Variants in ADGRL3 observed in about 807,000 individuals in gnomAD.
ADGRL3 encodes the protein adhesion G protein-coupled receptor L3.
Under a neutral mutation model 153.5 loss-of-function variants are expected in ADGRL3, and 62 were observed. The observed-to-expected ratio is 0.40, with a 90% CI of 0.33 to 0.50. ADGRL3 has a LOEUF of 0.50. Among genes scored for constraint, ADGRL3 ranks in the 20% least tolerant of loss-of-function variants. The pLI is 0.47. For missense variants in ADGRL3, 1,641 were observed against 1,859.4 expected (o/e 0.88, Z 2.16); for synonymous variants, 710 against 672.5 (o/e 1.06, Z -0.86).
At chr4:61,441,613 G>A (rs1445864089) in intron 2 of ADGRL3, among the ~76,000 whole-genome samples, 2 of 151,934 alleles carry the variant, frequency 1.3e-5, no homozygotes, top group Admixed American at 1.3e-4. Flanking sequence ...TCTGCCTCCT[G>A]GGTTCAAGCA....
intron 5 of ADGRL3, among the ~76,000 whole-genome samples, chr4:61,604,513 A>G (rs1326750114): frequency 6.6e-6 from 1 of 152,180 alleles, no homozygotes; most frequent in East Asian, 1.9e-4. Flanking sequence ...GTATAATATG[A>G]CTTAGCAAAG....
At chr4:61,658,004 G>C (rs1051709744) in intron 5 of ADGRL3, among the ~76,000 whole-genome samples, 2 of 152,116 alleles carry the variant, frequency 1.3e-5, no homozygotes, top group Non-Finnish European at 2.9e-5. Flanking sequence ...TGCTCTTACT[G>C]TATGCAAATC....
chr4:61,526,146 C>T (rs951239938), intron 4 of ADGRL3, among the ~76,000 whole-genome samples: 6 of 152,124 alleles, frequency 3.9e-5, no homozygotes, highest in Admixed American at 3.9e-4. Flanking sequence ...CGCTTCGCCC[C>T]TTGGCCAGCC....
At position 62,075,144 on chromosome 4, in the gene ADGRL3, G is replaced by A. The variant is rs1030785410; in HGVS notation, c.*4236G>A. 3 of 152,130 alleles carry A rather than the reference G, an allele frequency of 2.0e-5. No individual in the cohort carries two copies. Among genetic ancestry groups the A allele is most frequent in the African/African-American group, 7.2e-5 (3 of 41,434 alleles). 9.4% of individuals were successfully genotyped at this position (152,130 alleles called of 1,614,324 possible). ...ATGAAAAAACAATTAGTTTTTAGAAGTTGTCTATCAGTACTGTACCGAAGT... is the reference window on the plus strand; with the variant it reads ...ATGAAAAAACAATTAGTTTTTAGAAATTGTCTATCAGTACTGTACCGAAGT... On this transcript the variant is annotated 3_prime_UTR_variant, in exon 27 of 27. Transcript: ENST00000683033.
Position 61,978,411 on chromosome 4 carries a change from A to G in ADGRL3, c.2806-1152A>G, listed in dbSNP as rs1037181698. On this transcript the variant is annotated intron_variant, in intron 17 of 26. Coordinates refer to ENST00000683033, the MANE Select transcript of ADGRL3 (RefSeq NM_001387552.1). ...AAATATAGTACACTGATTTTCTACT[A>G]TTCTTTAAAATATCATTGTAGGAAT... 8.6e-5 allele frequency among the ~76,000 whole-genome samples: 13 copies of G among 151,948 alleles called. No individual in the cohort carries two copies. In the East Asian group the frequency reaches 2.3e-3, roughly 27 times the overall value.
intron 23 of ADGRL3, among the ~76,000 whole-genome samples, chr4:62,034,706 T>C (rs2151550593): frequency 6.6e-6 from 1 of 152,056 alleles, no homozygotes; most frequent in East Asian, 1.9e-4. Context: ...TGCTGTCTTA[T>C]TGAATTATTT....
intron 25 of ADGRL3, among the ~76,000 whole-genome samples, chr4:62,049,785 A>G (rs1733135759): frequency 6.6e-6 from 1 of 152,118 alleles, no homozygotes; most frequent in Non-Finnish European, 1.5e-5. Flanking sequence ...TAGTTCTAAG[A>G]ATGGACACCT....
chr4:61,414,761 G>A (rs1272215985), intron 2 of ADGRL3, among the ~76,000 whole-genome samples: 1 of 151,708 alleles, frequency 6.6e-6, no homozygotes, highest in Non-Finnish European at 1.5e-5. Flanking sequence ...TACATAAGTT[G>A]TTATATATTA....
At chr4:61,417,503 A>G (rs977649756) in intron 2 of ADGRL3, among the ~76,000 whole-genome samples, 4 of 151,982 alleles carry the variant, frequency 2.6e-5, no homozygotes, top group African/African-American at 9.7e-5. Context: ...ACAAAAACGA[A>G]AAAAAACAAA....
intron 2 of ADGRL3, among the ~76,000 whole-genome samples, chr4:61,471,638 A>G (rs1436251201): frequency 6.6e-6 from 1 of 151,956 alleles, no homozygotes; most frequent in African/African-American, 2.4e-5. Context: ...GAATTTTAAG[A>G]TCTGAAAGTT....
At chr4:62,043,294 G>A (rs1249957092) in intron 24 of ADGRL3, among the ~76,000 whole-genome samples, 1 of 151,924 alleles carries the variant, frequency 6.6e-6, no homozygotes, top group Non-Finnish European at 1.5e-5. Context: ...TTAGTATTTG[G>A]CAGGCAATAG....
intron 8 of ADGRL3, among the ~76,000 whole-genome samples, chr4:61,807,574 C>G (rs145359731): frequency 1.8e-4 from 28 of 152,224 alleles, no homozygotes; most frequent in African/African-American, 6.7e-4. Flanking sequence ...AGTTTCAACA[C>G]TGGGACCAAG....
At chr4:61,240,626 C>T (rs1560377996) in intron 1 of ADGRL3, among the ~76,000 whole-genome samples, 1 of 152,040 alleles carries the variant, frequency 6.6e-6, no homozygotes, top group East Asian at 1.9e-4. Context: ...TACATTAACT[C>T]GATTTTTTTA....
intron 2 of ADGRL3, among the ~76,000 whole-genome samples, chr4:61,456,112 A>G (rs927629049): frequency 5.9e-5 from 9 of 151,846 alleles, no homozygotes; most frequent in Non-Finnish European, 1.2e-4. Flanking sequence ...CCGACCCTAC[A>G]TTATTTTAAG....
At chr4:61,284,202 G>C (rs759104059) in intron 1 of ADGRL3, among the ~76,000 whole-genome samples, 15 of 151,914 alleles carry the variant, frequency 9.9e-5, no homozygotes, top group Non-Finnish European at 1.5e-4. Flanking sequence ...TCATATAAGT[G>C]AGAGAGGCCT....
intron 6 of ADGRL3, among the ~76,000 whole-genome samples, chr4:61,680,122 G>A (rs1416532189): frequency 2.0e-5 from 3 of 151,930 alleles, no homozygotes; most frequent in East Asian, 3.9e-4. Context: ...CTGTATTAGA[G>A]AAAATCCTTG....
At chr4:61,460,181 G>A (rs1466313162) in intron 2 of ADGRL3, among the ~76,000 whole-genome samples, 1 of 151,806 alleles carries the variant, frequency 6.6e-6, no homozygotes, top group Non-Finnish European at 1.5e-5. Context: ...TTTCCCCTAT[G>A]TTTTCATCTA....
rs1560622534 is a variant in ADGRL3 at position 61,432,573 on chromosome 4, C to CTTT, written c.-174+49384_-174+49385insTTT. Among the ~76,000 whole-genome samples the CTTT allele has an allele frequency of 6.4e-4, 23 of 35,874 alleles. 3 individuals are homozygous for CTTT. Among genetic ancestry groups the CTTT allele is most frequent in the African/African-American group, 1.2e-3 (16 of 13,064 alleles). 23.5% of individuals were successfully genotyped at this position (35,874 alleles called of 152,430 possible). Reference sequence around the variant, plus strand: ...TTTATAGATTTCTTTTCTTTCTCTTCCTTTCTTTCTTTCTTTCTTTCTTTC... The same window carrying CTTT: ...TTTATAGATTTCTTTTCTTTCTCTTCTTTCTTTCTTTCTTTCTTTCTTTCTTTC... On this transcript the variant is annotated intron_variant, in intron 2 of 26. Transcript: ENST00000683033.
At chr4:61,832,552 A>T (rs1340991744) in intron 9 of ADGRL3, among the ~76,000 whole-genome samples, 2 of 152,144 alleles carry the variant, frequency 1.3e-5, no homozygotes, top group Non-Finnish European at 2.9e-5. Flanking sequence ...AGACGTTTGA[A>T]TTTTTAAAGC....
Sources: allele counts gnomAD v4.1 joint callset (sites outside exome capture counted in the v4.1 genomes callset), GRCh38; gene constraint gnomAD v4.1.1; transcripts MANE v1.5; gene names NCBI Gene and HGNC (gene_info 2026-07-23, HGNC 2026-07-21).